Variants in SPINK5 observed in about 807,000 individuals in gnomAD.
SPINK5 encodes the protein serine protease inhibitor Kazal-type 5.
A neutral mutation model predicts 151.8 loss-of-function variants in SPINK5; 125 were observed. The observed-to-expected ratio is 0.82, with a 90% CI of 0.71 to 0.96. The LOEUF (loss-of-function observed/expected upper bound fraction) is 0.96, where lower values mean the gene tolerates loss of function less well. SPINK5 is among the 40% of genes least tolerant of loss of function. The pLI is 0.00. For synonymous variants in SPINK5, 374 were observed against 395.3 expected, an observed-to-expected ratio of 0.95 and a Z score of 0.64; for missense variants, 1,194 against 1,291.9, an observed-to-expected ratio of 0.92 and a Z score of 1.16.
chr5:148,109,212 G>A (rs926708548), intron 18 of SPINK5, among the ~76,000 whole-genome samples: 1 of 152,074 alleles, frequency 6.6e-6, no homozygotes, highest in Non-Finnish European at 1.5e-5. Flanking sequence ...GCAACAACTA[G>A]GGATCCCACT....
chr5:148,098,666 G>T (rs929390848), intron 11 of SPINK5, among the ~76,000 whole-genome samples: 11 of 116,232 alleles, frequency 9.5e-5, no homozygotes, highest in East Asian at 5.1e-4. Context: ...AATTATTGTG[G>T]TTTTTTTTTT....
At chr5:148,067,438 C>T (rs2127185375) in intron 2 of SPINK5, among the ~76,000 whole-genome samples, 1 of 152,286 alleles carries the variant, frequency 6.6e-6, no homozygotes, top group Admixed American at 6.5e-5. Flanking sequence ...CTACTCAACT[C>T]AGGATGACTT....
chr5:148,081,987 T>C (rs929629112), intron 4 of SPINK5, among the ~76,000 whole-genome samples: 1 of 151,734 alleles, frequency 6.6e-6, no homozygotes, highest in African/African-American at 2.4e-5. Context: ...AATGTAGTTA[T>C]CTTATACTTT....
intron 13 of SPINK5, 95 bp from the exon 14 acceptor site, chr5:148,101,260 C>A: frequency 2.2e-6 from 2 of 892,098 alleles, no homozygotes; most frequent in Non-Finnish European, 3.7e-6. Flanking sequence ...AGAATTTAAT[C>A]GTTGTTAAGT....
Position 148,116,432 on chromosome 5 carries a change from A to T in SPINK5, c.2078A>T (p.His693Leu), listed in dbSNP as rs1033612713. The T allele has an allele frequency of 6.2e-7, 1 of 1,614,032 alleles. No homozygotes were observed. Residue 693 changes from histidine (H) to leucine (L), a missense_variant, in exon 22 of 33, where the codon CAT becomes CTT. By Grantham distance (99) the His-to-Leu change is moderately conservative. Coordinates refer to ENST00000256084, the MANE Select transcript of SPINK5 (RefSeq NM_006846.4). Reference protein sequence around the residue: ...EEEDQRNAAGHGSSGGGGGNT... With the variant: ...EEEDQRNAAGLGSSGGGGGNT... The stretch of plus-strand genomic sequence containing the variant: ...GAAGATCAGAGAAATGCTGCAGGAC[A>T]TGGTTCCAGTGGTGGTGGAGGAGGA...
chr5:148,078,777 T>G (rs1283977227), intron 4 of SPINK5, among the ~76,000 whole-genome samples: 1 of 150,840 alleles, frequency 6.6e-6, no homozygotes, highest in Non-Finnish European at 1.5e-5. Flanking sequence ...ACTGGACTTG[T>G]CTAAAGCACT....
chr5:148,088,616 T>C lies in SPINK5; in HGVS notation c.474+11T>C. 1 of 1,611,130 alleles carries C rather than the reference T, an allele frequency of 6.2e-7. No homozygotes were observed. Among genetic ancestry groups the C allele is most frequent in the Non-Finnish European group, 8.5e-7 (1 of 1,178,186 alleles). ...AGTAATCCAGAGCAGGTGAGGTCAA[T>C]TGTCAGCCTGATGGGAAATACTGGG... On this transcript the variant is annotated intron_variant, in intron 6 of 32. Transcript: ENST00000256084.
At chr5:148,068,554 C>CAAA (rs1166912306) in intron 2 of SPINK5, among the ~76,000 whole-genome samples, 9 of 89,226 alleles carry the variant, frequency 1.0e-4, no homozygotes, top group Non-Finnish European at 1.5e-4. Context: ...CCTGCCTCTC[C>CAAA]AAAAAAAAAA....
chr5:148,091,116 A>T (rs60978485), intron 7 of SPINK5, 49 bp from the exon 8 acceptor site: 59,179 of 1,515,472 alleles, frequency 0.039, 1,691 homozygotes, highest in East Asian at 0.16. Context: ...GAGGATACTG[A>T]AAATATGATT....
At chr5:148,086,095 C>G (rs1198340651) in intron 4 of SPINK5, among the ~76,000 whole-genome samples, 2 of 151,906 alleles carry the variant, frequency 1.3e-5, no homozygotes, top group Non-Finnish European at 2.9e-5. Flanking sequence ...CACTACTACT[C>G]TGTGGAGAAG....
chr5:148,094,571 G>A (rs949152371), intron 9 of SPINK5, 90 bp downstream of exon 9: 7 of 1,602,346 alleles, frequency 4.4e-6, no homozygotes, highest in Non-Finnish European at 6.0e-6. Context: ...TTGAAAGGAA[G>A]CTTTGTTGTT....
chr5:148,126,884 G>A, intron 29 of SPINK5, 99 bp from the exon 30 acceptor site: 2 of 1,036,620 alleles, frequency 1.9e-6, no homozygotes, highest in Admixed American at 4.4e-5. Flanking sequence ...GAACTACCAT[G>A]CCTGGCCTCT....
chr5:148,116,386 G>A lies in SPINK5; in HGVS notation c.2032G>A (p.Glu678Lys). The change falls in exon 22 of 33, where the codon GAA becomes AAA. Residue 678 changes from glutamate to lysine, a missense_variant. By Grantham distance (56) the Glu-to-Lys change is moderately conservative. Transcript: ENST00000256084. ...AATTTCCAGCCAGAAAGAAAATGAG[G>A]AAAGAAAGAGGAAAGAAGAGGAAGA... ...CKAVFQKENE[E>K]RKRKEEEDQR... 6.2e-7 allele frequency: 1 copy of A among 1,614,074 alleles called. No individual in the cohort carries two copies. Among genetic ancestry groups the A allele is most frequent in the Non-Finnish European group, 8.5e-7 (1 of 1,179,958 alleles).
chr5:148,123,338 C>G (rs1217584717), intron 26 of SPINK5, among the ~76,000 whole-genome samples: 1 of 138,672 alleles, frequency 7.2e-6, no homozygotes, highest in Non-Finnish European at 1.5e-5. Context: ...GACAACAGAA[C>G]AAGATTATAT....
intron 4 of SPINK5, among the ~76,000 whole-genome samples, chr5:148,076,896 A>C (rs1263918677): frequency 6.6e-6 from 1 of 151,636 alleles, no homozygotes; most frequent in Non-Finnish European, 1.5e-5. Flanking sequence ...ACTTGAGGAA[A>C]GCTTAATAAA....
Position 148,114,353 on chromosome 5 carries a change from T to C in SPINK5, c.1888-9T>C. ...ATACTCAAGCTTTCTCCTTTTCTTT[T>C]CCTTTTAGGAGACATGCGATGAATT... On this transcript the variant is annotated splice_polypyrimidine_tract_variant and intron_variant, in intron 20 of 32. Coordinates refer to ENST00000256084, the MANE Select transcript of SPINK5 (RefSeq NM_006846.4). 6.2e-7 allele frequency: 1 copy of C among 1,611,814 alleles called. No individual in the cohort carries two copies. The highest frequency in any genetic ancestry group is 8.5e-7 in the Non-Finnish European group (1 of 1,178,804).
rs540712189 is a variant in SPINK5, at chr5:148,070,408, G to C, written c.167G>C (p.Gly56Ala). The change falls in exon 3 of 33, where the codon GGA becomes GCA. Residue 56 changes from glycine (G) to alanine (A), a missense_variant. Transcript: ENST00000256084. ...AAGAAATTTTTTCAAAGTCTTGATG[G>C]AATAATGTTCATCAATAAATGTGCC... ...QDKKFFQSLD[G>A]IMFINKCATC... 3.1e-6 allele frequency: 5 copies of C among 1,612,662 alleles called. No homozygotes were observed. The highest frequency in any genetic ancestry group is 3.3e-5 in the Admixed American group (2 of 59,856).
At chr5:148,112,450 A>G (rs1753962059) in intron 19 of SPINK5, among the ~76,000 whole-genome samples, 1 of 152,096 alleles carries the variant, frequency 6.6e-6, no homozygotes, top group South Asian at 2.1e-4. Flanking sequence ...CGAGGCGGGC[A>G]GATGACGAGG....
In SPINK5 at chr5:148,110,961, TAAAGTA is replaced by T. The variant is rs1368743725; in HGVS notation, c.1693-803_1693-798del. Among the ~76,000 whole-genome samples the T allele has an allele frequency of 1.5e-4, 23 of 151,784 alleles. No homozygotes were observed. The South Asian group carries it at 4.6e-3, about 30-fold the overall frequency. ...TGCTCTGAACATGTATCCCAGAACT[TAAAGTA>T]AAATAAAACAAAATAAAATAAAATA... On this transcript the variant is annotated intron_variant, in intron 18 of 32. Coordinates refer to ENST00000256084, the MANE Select transcript of SPINK5 (RefSeq NM_006846.4).
Sources: allele counts gnomAD v4.1 joint callset (sites outside exome capture counted in the v4.1 genomes callset), GRCh38; gene constraint gnomAD v4.1.1; transcripts MANE v1.5; gene names NCBI Gene and HGNC (gene_info 2026-07-23, HGNC 2026-07-21).